The following ATP8B1 variants were observed in gnomAD, a reference collection of about 807,000 sequenced individuals.
The protein encoded by ATP8B1 is ATPase phospholipid transporting 8B1, also known as phospholipid-transporting ATPase IC.
A neutral mutation model predicts 149.9 loss-of-function variants in ATP8B1; 80 were observed. That is an observed-to-expected ratio of 0.53 (90% confidence interval 0.45 to 0.64). The LOEUF (loss-of-function observed/expected upper bound fraction) is 0.64. Ranked by LOEUF, ATP8B1 falls within the 30% of genes least tolerant of loss-of-function variation. The pLI is 0.00. For missense variants in ATP8B1, 1,247 were observed against 1,552.6 expected (o/e 0.80, Z 3.31); for synonymous variants, 536 against 562.8 (o/e 0.95, Z 0.67).
At chr18:57,696,638 C>T (rs1018149373) in intron 8 of ATP8B1, among the ~76,000 whole-genome samples, 3 of 151,644 alleles carry the variant, frequency 2.0e-5, no homozygotes, top group Admixed American at 6.6e-5. Context: ...TCATGATTTC[C>T]GCTCTCTGTA....
At chr18:57,726,580 C>G (rs1221453608) in intron 2 of ATP8B1, among the ~76,000 whole-genome samples, 1 of 152,136 alleles carries the variant, frequency 6.6e-6, no homozygotes, top group East Asian at 1.9e-4. Flanking sequence ...TGAGAACCCC[C>G]AGTTAGTGCA....
intron 1 of ATP8B1, among the ~76,000 whole-genome samples, chr18:57,743,621 A>G (rs1287802476): frequency 1.3e-5 from 2 of 152,152 alleles, no homozygotes; most frequent in African/African-American, 4.8e-5. Context: ...AGGAACTAAA[A>G]AAACCTCAGA....
At chr18:57,769,937 G>C (rs1418548624) in intron 1 of ATP8B1, among the ~76,000 whole-genome samples, 1 of 152,106 alleles carries the variant, frequency 6.6e-6, no homozygotes, top group Non-Finnish European at 1.5e-5. Flanking sequence ...TATTCCCCTT[G>C]TATAAATGAA....
rs78526076 is a variant in ATP8B1, at chr18:57,799,048, A to G, written c.-26+3950T>C. ...TGTATTAACGACTACCTTTTACTGA[A>G]CTGTGTGCTAAGTCCTCTACCTAAG... On this transcript the variant is annotated intron_variant, in intron 1 of 27. Coordinates refer to ENST00000648908, the MANE Select transcript of ATP8B1 (RefSeq NM_001374385.1). 3.2e-3 allele frequency among the ~76,000 whole-genome samples: 494 copies of G among 152,350 alleles called. 6 individuals are homozygous for G. The highest frequency in any genetic ancestry group is 0.011 in the African/African-American group (477 of 41,582).
At chr18:57,740,272 T>A (rs900298313) in intron 1 of ATP8B1, among the ~76,000 whole-genome samples, 1 of 152,040 alleles carries the variant, frequency 6.6e-6, no homozygotes, top group African/African-American at 2.4e-5. Flanking sequence ...CATTTTTTTT[T>A]AATGGCTTTT....
rs71365345 is a variant in ATP8B1 at position 57,732,099 on chromosome 18, A to G, written c.-25-267T>C. Reference sequence around the variant, plus strand: ...AGGGTATATATATATATGTATGTGTATATATATATGTATATATGTATATAT... The same window carrying G: ...AGGGTATATATATATATGTATGTGTGTATATATATGTATATATGTATATAT... On this transcript the variant is annotated intron_variant, in intron 1 of 27. Coordinates refer to ENST00000648908, the MANE Select transcript of ATP8B1 (RefSeq NM_001374385.1). 111,433 of 113,516 alleles carry G rather than the reference A, an allele frequency of 0.98. 54,751 individuals carry two copies. Among genetic ancestry groups the G allele is most frequent in the East Asian group, 1 (5,713 of 5,726 alleles). 7.0% of individuals were successfully genotyped at this position (113,516 alleles called of 1,614,324 possible). A position where few individuals can be genotyped will look rare whatever the true frequency, so the allele number is the denominator to read the frequency against.
chr18:57,746,767 C>G (rs2079967769), intron 1 of ATP8B1, among the ~76,000 whole-genome samples: 1 of 152,152 alleles, frequency 6.6e-6, no homozygotes, highest in African/African-American at 2.4e-5. Context: ...TGAGCCACCA[C>G]TGTGCCCAGC....
chr18:57,718,516 A>G (rs1319429473), intron 2 of ATP8B1, among the ~76,000 whole-genome samples: 1 of 152,222 alleles, frequency 6.6e-6, no homozygotes. Flanking sequence ...CAAGGCCAGT[A>G]TTACCCTGAT....
intron 16 of ATP8B1, among the ~76,000 whole-genome samples, chr18:57,674,451 G>C (rs1041830240): frequency 4.8e-5 from 7 of 147,070 alleles, no homozygotes; most frequent in Admixed American, 6.9e-5. Flanking sequence ...GTGGCGCGAT[G>C]TCGGCTCACT....
intron 1 of ATP8B1, among the ~76,000 whole-genome samples, chr18:57,779,736 A>G (rs2080341403): frequency 6.6e-6 from 1 of 152,094 alleles, no homozygotes; most frequent in Admixed American, 6.5e-5. Context: ...CGTCTCTACT[A>G]AAAACACAAA....
rs374609691 is a variant in ATP8B1 at position 57,759,805 on chromosome 18, C to A, written c.-25-27973G>T. ...CTGCACTCCAGCCTGGGAGACAGAG[C>A]GAGACTCCGTCTCGGGAAAGAAAAA... On this transcript the variant is annotated intron_variant, in intron 1 of 27. Coordinates refer to ENST00000648908, the MANE Select transcript of ATP8B1 (RefSeq NM_001374385.1). Among the ~76,000 whole-genome samples, 4 of 146,656 alleles carry A rather than the reference C, an allele frequency of 2.7e-5. No individual in the cohort carries two copies. The East Asian group carries it at 7.9e-4, about 29-fold the overall frequency.
At chr18:57,792,092 A>G (rs1368312335) in intron 1 of ATP8B1, among the ~76,000 whole-genome samples, 1 of 152,226 alleles carries the variant, frequency 6.6e-6, no homozygotes, top group African/African-American at 2.4e-5. Flanking sequence ...AAGGTGAGCC[A>G]ATGCATACTT....
intron 1 of ATP8B1, among the ~76,000 whole-genome samples, chr18:57,770,439 C>A (rs1436405762): frequency 6.6e-6 from 1 of 152,252 alleles, no homozygotes; most frequent in Admixed American, 6.5e-5. Context: ...TATGCAATGG[C>A]ACCACAGAAT....
chr18:57,795,283 G>A (rs996990501), intron 1 of ATP8B1, among the ~76,000 whole-genome samples: 1 of 151,720 alleles, frequency 6.6e-6, no homozygotes, highest in Non-Finnish European at 1.5e-5. Context: ...AGTGTCTGTA[G>A]TCCCAGACAT....
At chr18:57,778,289 G>C (rs540152336) in intron 1 of ATP8B1, among the ~76,000 whole-genome samples, 2 of 148,006 alleles carry the variant, frequency 1.4e-5, no homozygotes, top group Admixed American at 1.3e-4. Context: ...GCAGTGGTGC[G>C]ATCTCGGCTC....
intron 2 of ATP8B1, among the ~76,000 whole-genome samples, chr18:57,710,694 A>T (rs1278985839): frequency 6.6e-6 from 1 of 152,184 alleles, no homozygotes; most frequent in African/African-American, 2.4e-5. Flanking sequence ...GAGTCCAATG[A>T]TGCGATCTCA....
intron 26 of ATP8B1, 40 bp from the exon 27 acceptor site, chr18:57,650,537 T>C: frequency 1.2e-6 from 2 of 1,604,436 alleles, no homozygotes; most frequent in Non-Finnish European, 1.7e-6. Flanking sequence ...TGGTTCTTTT[T>C]TCCTAAGAAC....
At chr18:57,699,428 G>A (rs992170169) in intron 6 of ATP8B1, among the ~76,000 whole-genome samples, 1 of 152,144 alleles carries the variant, frequency 6.6e-6, no homozygotes, top group Non-Finnish European at 1.5e-5. Context: ...TAGCAGAGGA[G>A]GTTGTTGTTG....
At chr18:57,670,911 G>C (rs867918798) in intron 17 of ATP8B1, among the ~76,000 whole-genome samples, 1 of 151,980 alleles carries the variant, frequency 6.6e-6, no homozygotes, top group Non-Finnish European at 1.5e-5. Flanking sequence ...GTTTCACCAC[G>C]TTGGCCAGGC....
Sources: allele counts gnomAD v4.1 joint callset (sites outside exome capture counted in the v4.1 genomes callset), GRCh38; gene constraint gnomAD v4.1.1; transcripts MANE v1.5; gene names NCBI Gene and HGNC (gene_info 2026-07-23, HGNC 2026-07-21).